Variants in THRB observed in about 807,000 individuals in gnomAD.
The protein encoded by THRB is thyroid hormone receptor beta.
A neutral mutation model predicts 47.8 loss-of-function variants in THRB; 12 were observed. That is an observed-to-expected ratio of 0.25 (90% confidence interval 0.16 to 0.41). THRB has a LOEUF of 0.41. THRB is among the 10% of genes least tolerant of loss of function. The pLI is 1.00. For synonymous variants in THRB, 218 were observed against 212.2 expected (o/e 1.03, Z -0.24); for missense variants, 348 against 589.2 (o/e 0.59, Z 4.24).
chr3:24,279,690 C>T (rs762934668), intron 3 of THRB, among the ~76,000 whole-genome samples: 5 of 152,030 alleles, frequency 3.3e-5, no homozygotes, highest in Admixed American at 1.3e-4. Context: ...CCACCGTGCC[C>T]GGCCAAATGC....
chr3:24,379,058 A>T (rs1328963003), intron 1 of THRB, among the ~76,000 whole-genome samples: 1 of 152,066 alleles, frequency 6.6e-6, no homozygotes, highest in Admixed American at 6.6e-5. Context: ...ACTTTATTAG[A>T]TGAGAGTCGC....
At chr3:24,387,550 T>G (rs1002190894) in intron 1 of THRB, among the ~76,000 whole-genome samples, 3 of 152,186 alleles carry the variant, frequency 2.0e-5, no homozygotes, top group Non-Finnish European at 1.5e-5. Context: ...TGCTTATTCA[T>G]CTGCATTACC....
At chr3:24,343,088 G>A (rs747405307) in intron 1 of THRB, among the ~76,000 whole-genome samples, 2 of 152,154 alleles carry the variant, frequency 1.3e-5, no homozygotes, top group Non-Finnish European at 2.9e-5. Flanking sequence ...TTGTGCATTA[G>A]GAATATTAGC....
intron 1 of THRB, among the ~76,000 whole-genome samples, chr3:24,395,651 T>C (rs2066901214): frequency 1.3e-5 from 2 of 152,150 alleles, no homozygotes; most frequent in Non-Finnish European, 2.9e-5. Context: ...GGAACCCTTA[T>C]ATGCTGGTGA....
intron 5 of THRB, among the ~76,000 whole-genome samples, chr3:24,187,451 G>T (rs1046242249): frequency 3.9e-5 from 6 of 152,164 alleles, no homozygotes; most frequent in African/African-American, 1.4e-4. Context: ...CTGTTGTGCA[G>T]AATTAACTTT....
intron 5 of THRB, among the ~76,000 whole-genome samples, chr3:24,179,297 TAATTGTGCTATG>T (rs11270867): frequency 0.3 from 45,772 of 151,952 alleles, 7,034 homozygotes; most frequent in South Asian, 0.32. Flanking sequence ...CCAATTCTGA[TAATTGTGCTATG>T]GTGTCCTAAG....
At chr3:24,388,219 C>G (rs1222237595) in intron 1 of THRB, among the ~76,000 whole-genome samples, 3 of 152,090 alleles carry the variant, frequency 2.0e-5, no homozygotes, top group East Asian at 3.9e-4. Flanking sequence ...CCCCGTCACC[C>G]AACTTGGAAC....
chr3:24,454,303 T>G (rs1045744964), intron 1 of THRB, among the ~76,000 whole-genome samples: 3 of 152,118 alleles, frequency 2.0e-5, no homozygotes, highest in African/African-American at 7.2e-5. Flanking sequence ...ATGTCCAGAA[T>G]AGGAAAATTC....
chr3:24,487,193 T>C (rs991094922), intron 1 of THRB, among the ~76,000 whole-genome samples: 2 of 152,128 alleles, frequency 1.3e-5, no homozygotes, highest in Admixed American at 6.6e-5. Context: ...GGTTCTGTTG[T>C]GGTGCTAGAT....
rs534075743 is a variant in THRB, at chr3:24,177,307, C to T, written c.283+12767G>A. ...AGCCAGCCAATAGAATTTTCATCAT[C>T]GCTTGGTTGTCAACAGAGTTACTGC... On this transcript the variant is annotated intron_variant, in intron 5 of 10. Transcript: ENST00000646209. Among the ~76,000 whole-genome samples, 106 of 152,284 alleles carry T rather than the reference C, an allele frequency of 7.0e-4. No individual in the cohort carries two copies. In the South Asian group the frequency reaches 0.016, roughly 23 times the overall value.
intron 3 of THRB, among the ~76,000 whole-genome samples, chr3:24,237,685 A>C (rs1576205499): frequency 6.6e-6 from 1 of 152,134 alleles, no homozygotes; most frequent in Non-Finnish European, 1.5e-5. Flanking sequence ...CGTAGCTCTC[A>C]AAGGTGACAT....
intron 8 of THRB, among the ~76,000 whole-genome samples, chr3:24,134,008 G>A (rs2034267657): frequency 6.6e-6 from 1 of 152,192 alleles, no homozygotes; most frequent in Non-Finnish European, 1.5e-5. Flanking sequence ...TCAGCTGAGG[G>A]TTGAGGGGGA....
intron 2 of THRB, among the ~76,000 whole-genome samples, chr3:24,323,187 T>G (rs1285680178): frequency 6.6e-6 from 1 of 152,034 alleles, no homozygotes; most frequent in Non-Finnish European, 1.5e-5. Context: ...TCTAACTAAG[T>G]CAGGCCCCAG....
chr3:24,343,203 T>C (rs1032069731), intron 1 of THRB, among the ~76,000 whole-genome samples: 1 of 152,192 alleles, frequency 6.6e-6, no homozygotes, highest in Non-Finnish European at 1.5e-5. Flanking sequence ...AAGTAATTTG[T>C]AGAAGTTTGT....
chr3:24,259,283 C>T (rs888446778), intron 3 of THRB, among the ~76,000 whole-genome samples: 3 of 152,034 alleles, frequency 2.0e-5, no homozygotes, highest in Non-Finnish European at 4.4e-5. Flanking sequence ...AAGTAGGTGG[C>T]GGCATTTTTC....
intron 1 of THRB, among the ~76,000 whole-genome samples, chr3:24,448,823 CA>C (rs2072353695): frequency 6.6e-6 from 1 of 152,144 alleles, no homozygotes. Flanking sequence ...AAACCCCTGC[CA>C]CTGGCTTTGG....
In THRB at chr3:24,249,883, A is replaced by G. The variant is rs191847637; in HGVS notation, c.-42-20882T>C. The stretch of plus-strand genomic sequence containing the variant: ...CAACTATTAGGCCGGGGCAAAAGTA[A>G]TTGCTGTTTTTGCTAGTATTTCCAC... On this transcript the variant is annotated intron_variant, in intron 3 of 10. Transcript: ENST00000646209. Among the ~76,000 whole-genome samples the G allele has an allele frequency of 5.3e-4, 81 of 152,256 alleles. 2 individuals carry two copies. Among genetic ancestry groups the G allele is most frequent in the Admixed American group, 2.2e-3 (33 of 15,294 alleles).
At chr3:24,302,702 A>G (rs965364532) in intron 2 of THRB, among the ~76,000 whole-genome samples, 4 of 152,176 alleles carry the variant, frequency 2.6e-5, no homozygotes, top group Admixed American at 2.6e-4. Context: ...AGCATTTACT[A>G]TACTTCTTCT....
At chr3:24,351,065 C>A (rs1255030168) in intron 1 of THRB, among the ~76,000 whole-genome samples, 1 of 145,948 alleles carries the variant, frequency 6.9e-6, no homozygotes, top group Non-Finnish European at 1.5e-5. Flanking sequence ...GTATGTTATT[C>A]ATTTTTTTTT....
Sources: allele counts gnomAD v4.1 joint callset (sites outside exome capture counted in the v4.1 genomes callset), GRCh38; gene constraint gnomAD v4.1.1; transcripts MANE v1.5; gene names NCBI Gene and HGNC (gene_info 2026-07-23, HGNC 2026-07-21).